CDK6: variants seen among roughly 807,000 people sequenced by gnomAD.
The protein encoded by CDK6 is cyclin dependent kinase 6, also known as cyclin-dependent kinase 6.
CDK6 carries 6 observed loss-of-function variants against 37.1 expected under a neutral mutation model. The ratio of observed to expected loss-of-function variants is 0.16; its 90% CI spans 0.09 to 0.32. CDK6 has a LOEUF of 0.32. Ranked by LOEUF, CDK6 falls within the 10% of genes least tolerant of loss-of-function variation. CDK6 has a pLI of 1.00. For missense variants in CDK6, 224 were observed against 418.9 expected, an observed-to-expected ratio of 0.53 and a Z score of 4.06; for synonymous variants, 160 against 161.3, an observed-to-expected ratio of 0.99 and a Z score of 0.06.
chr7:92,786,851 A>G lies in CDK6; in HGVS notation c.234-12020T>C, dbSNP rs191061163. Reference sequence around the variant, plus strand: ...ATGCAAGTTTCAAAAGAGTGTGTACAGTATGATTCCACATATGTAAACATA... The same window carrying G: ...ATGCAAGTTTCAAAAGAGTGTGTACGGTATGATTCCACATATGTAAACATA... On this transcript the variant is annotated intron_variant, in intron 2 of 7. Coordinates refer to ENST00000424848, the MANE Select transcript of CDK6 (RefSeq NM_001145306.2). Among the ~76,000 whole-genome samples, 739 of 152,186 alleles carry G rather than the reference A, an allele frequency of 4.9e-3. 3 individuals carry two copies. The highest frequency in any genetic ancestry group is 0.017 in the African/African-American group (704 of 41,532).
chr7:92,663,635 A>G (rs1373719605), intron 5 of CDK6, among the ~76,000 whole-genome samples: 1 of 151,486 alleles, frequency 6.6e-6, no homozygotes, highest in Non-Finnish European at 1.5e-5. Context: ...CAGGAGGCGG[A>G]GGTTGCAGTG....
intron 2 of CDK6, among the ~76,000 whole-genome samples, chr7:92,775,067 T>C (rs3731301): frequency 0.013 from 1,924 of 152,248 alleles, 35 homozygotes; most frequent in African/African-American, 0.045. Flanking sequence ...ATAGTAACAA[T>C]GAGAAAGCAA....
chr7:92,813,053 T>C (rs1800929911), intron 2 of CDK6, among the ~76,000 whole-genome samples: 1 of 152,184 alleles, frequency 6.6e-6, no homozygotes, highest in Non-Finnish European at 1.5e-5. Flanking sequence ...TGTACACCCA[T>C]GATCTAACAA....
At chr7:92,756,647 TAGAA>T (rs1271416898) in intron 3 of CDK6, among the ~76,000 whole-genome samples, 1 of 152,214 alleles carries the variant, frequency 6.6e-6, no homozygotes, top group Non-Finnish European at 1.5e-5. Context: ...TTGGTATTAA[TAGAA>T]GGAAGATGTA....
intron 3 of CDK6, among the ~76,000 whole-genome samples, chr7:92,734,587 G>A (rs1240716483): frequency 6.6e-6 from 1 of 152,142 alleles, no homozygotes; most frequent in Non-Finnish European, 1.5e-5. Flanking sequence ...AATGCTCAAT[G>A]AGTTTTCATA....
intron 2 of CDK6, among the ~76,000 whole-genome samples, chr7:92,804,155 A>G (rs1800662588): frequency 6.6e-6 from 1 of 152,210 alleles, no homozygotes; most frequent in Non-Finnish European, 1.5e-5. Flanking sequence ...ATTTAGAGGG[A>G]GCTCTGATTT....
intron 2 of CDK6, among the ~76,000 whole-genome samples, chr7:92,823,494 C>G (rs1801230108): frequency 7.0e-6 from 1 of 143,718 alleles, no homozygotes; most frequent in African/African-American, 2.5e-5. Context: ...AAGCTATGTT[C>G]TCCCAGGTCA....
intron 4 of CDK6, among the ~76,000 whole-genome samples, chr7:92,711,260 G>A (rs1231658248): frequency 1.3e-5 from 2 of 152,154 alleles, no homozygotes; most frequent in Admixed American, 1.3e-4. Flanking sequence ...TTTACACAGT[G>A]AAAGTAAGAA....
chr7:92,684,131 T>C (rs755105304), intron 4 of CDK6, among the ~76,000 whole-genome samples: 21 of 152,058 alleles, frequency 1.4e-4, no homozygotes, highest in Non-Finnish European at 2.9e-4. Context: ...GAGGCGAGTA[T>C]CAACGACTCT....
At chr7:92,703,118 C>T (rs1010504716) in intron 4 of CDK6, among the ~76,000 whole-genome samples, 2 of 152,156 alleles carry the variant, frequency 1.3e-5, no homozygotes, top group African/African-American at 4.8e-5. Flanking sequence ...AACTCAACAT[C>T]CCCTTAGCCA....
Position 92,609,012 on chromosome 7 carries a change from C to A in CDK6, c.*6128G>T, listed in dbSNP as rs1795500385. On this transcript the variant is annotated 3_prime_UTR_variant, in exon 8 of 8. Coordinates refer to ENST00000424848, the MANE Select transcript of CDK6 (RefSeq NM_001145306.2). ...TCGGCCTTTCGCATAGGGGCTTTAA[C>A]TGGACTCTAGTTCCTGGGAGCAGAG... 1 of 233,306 alleles carries A rather than the reference C, an allele frequency of 4.3e-6. No individual in the cohort carries two copies. The highest frequency in any genetic ancestry group is 2.2e-5 in the African/African-American group (1 of 45,352). The allele number at this position is 233,306 out of a possible 1,614,324, so 14.5% of individuals were successfully genotyped here.
intron 3 of CDK6, among the ~76,000 whole-genome samples, chr7:92,732,318 T>C (rs1798668954): frequency 1.3e-5 from 2 of 152,098 alleles, no homozygotes; most frequent in African/African-American, 2.4e-5. Context: ...TCGGGAGGCC[T>C]AGGTGGGAAG....
At chr7:92,627,426 T>A (rs1333571514) in intron 5 of CDK6, among the ~76,000 whole-genome samples, 3 of 152,064 alleles carry the variant, frequency 2.0e-5, no homozygotes, top group African/African-American at 7.2e-5. Flanking sequence ...ATAAAAGGCA[T>A]TAGTGCCCTT....
At chr7:92,827,603 C>T (rs1801358472) in intron 2 of CDK6, among the ~76,000 whole-genome samples, 1 of 152,158 alleles carries the variant, frequency 6.6e-6, no homozygotes, top group Non-Finnish European at 1.5e-5. Flanking sequence ...CCTGCCTGCT[C>T]CACCAAACCT....
At chr7:92,687,075 A>G (rs770563916) in intron 4 of CDK6, among the ~76,000 whole-genome samples, 4 of 152,164 alleles carry the variant, frequency 2.6e-5, no homozygotes, top group Non-Finnish European at 4.4e-5. Flanking sequence ...TTAAATCACT[A>G]TTGTAGATAC....
intron 5 of CDK6, among the ~76,000 whole-genome samples, chr7:92,649,725 T>C (rs1319095590): frequency 6.6e-6 from 1 of 152,212 alleles, no homozygotes; most frequent in Non-Finnish European, 1.5e-5. Context: ...ATACAGCTAG[T>C]AAGTGGAAGA....
intron 7 of CDK6, among the ~76,000 whole-genome samples, chr7:92,617,686 A>C (rs764412377): frequency 6.6e-6 from 1 of 152,218 alleles, no homozygotes; most frequent in African/African-American, 2.4e-5. Flanking sequence ...CAAAGTTGTG[A>C]ATGTTTAAGA....
chr7:92,813,632 T>TG (rs1800945987), intron 2 of CDK6, among the ~76,000 whole-genome samples: 1 of 152,178 alleles, frequency 6.6e-6, no homozygotes, highest in South Asian at 2.1e-4. Flanking sequence ...GCTGCAGAGA[T>TG]GGAGAAACAA....
intron 5 of CDK6, among the ~76,000 whole-genome samples, chr7:92,625,270 C>G (rs1795900160): frequency 1.3e-5 from 2 of 150,338 alleles, no homozygotes; most frequent in African/African-American, 4.9e-5. Flanking sequence ...CTCTCTTATT[C>G]CTGGCCAATA....
Sources: gnomAD v4.1 joint callset for allele counts (sites outside exome capture counted in the v4.1 genomes callset) on GRCh38, gnomAD v4.1.1 for gene constraint, MANE v1.5 for transcripts, NCBI Gene and HGNC (gene_info 2026-07-23, HGNC 2026-07-21) for gene names.